COL6A6: variants seen among roughly 807,000 people sequenced by gnomAD.
The protein encoded by COL6A6 is collagen alpha-6(VI) chain.
Under a neutral mutation model 208.6 loss-of-function variants are expected in COL6A6, and 183 were observed. That is an observed-to-expected ratio of 0.88 (90% CI 0.78 to 0.99). The LOEUF (loss-of-function observed/expected upper bound fraction) is 0.99. Among genes scored for constraint, COL6A6 ranks in the 50% least tolerant of loss-of-function variants. The pLI is 0.00. For missense variants in COL6A6, 2,816 were observed against 2,815.2 expected, an observed-to-expected ratio of 1.00 and a Z score of -0.01; for synonymous variants, 973 against 1,011.8, an observed-to-expected ratio of 0.96 and a Z score of 0.73.
intron 23 of COL6A6, among the ~76,000 whole-genome samples, chr3:130,611,809 A>G (rs2064367192): frequency 6.6e-6 from 1 of 152,212 alleles, no homozygotes; most frequent in Admixed American, 6.5e-5. Context: ...TTTTAGGTCT[A>G]GGTGTACACG....
At chr3:130,642,721 T>C (rs2065352381) in intron 29 of COL6A6, 111 bp from the exon 30 acceptor site, 1 of 899,112 alleles carries the variant, frequency 1.1e-6, no homozygotes, top group Non-Finnish European at 1.7e-6. Flanking sequence ...TACAATTTAA[T>C]GAGAATAAAA....
Position 130,574,364 on chromosome 3 carries a change from G to T in COL6A6, c.3386G>T (p.Gly1129Val). The T allele has an allele frequency of 6.2e-7, 1 of 1,614,010 alleles. No individual in the cohort carries two copies. Among genetic ancestry groups the T allele is most frequent in the Non-Finnish European group, 8.5e-7 (1 of 1,179,904 alleles). Residue 1129 changes from glycine (G) to valine (V), a missense_variant, in exon 8 of 37, where the codon GGT becomes GTT. Gly to Val is a moderately radical substitution (Grantham distance 109, BLOSUM62 -3). Coordinates refer to ENST00000358511, the MANE Select transcript of COL6A6 (RefSeq NM_001102608.3). ...GCCGCGGAAGCCCTGAGACACAGAG[G>T]TATCGACATCTACTCCGTGGGCATT... Reference protein sequence around the residue: ...AQAAEALRHRGIDIYSVGIGD... With the variant: ...AQAAEALRHRVIDIYSVGIGD...
chr3:130,552,061 G>T (rs760984123), intron 1 of COL6A6, among the ~76,000 whole-genome samples: 5 of 151,842 alleles, frequency 3.3e-5, no homozygotes, highest in Non-Finnish European at 7.4e-5. Flanking sequence ...GATTATTTAT[G>T]TCTGGTTGAT....
intron 1 of COL6A6, among the ~76,000 whole-genome samples, chr3:130,536,723 A>G (rs2062233957): frequency 6.6e-6 from 1 of 152,186 alleles, no homozygotes; most frequent in Non-Finnish European, 1.5e-5. Flanking sequence ...GAGGAAGGAG[A>G]TGAAGTCAGA....
chr3:130,541,258 T>C (rs185320986), intron 1 of COL6A6, among the ~76,000 whole-genome samples: 1 of 152,336 alleles, frequency 6.6e-6, no homozygotes, highest in East Asian at 1.9e-4. Context: ...AGAGCCACAG[T>C]GATCAGATTG....
At chr3:130,572,119 T>G (rs2063183011) in intron 7 of COL6A6, among the ~76,000 whole-genome samples, 2 of 152,210 alleles carry the variant, frequency 1.3e-5, no homozygotes, top group African/African-American at 4.8e-5. Flanking sequence ...TGAAGTCTTC[T>G]TTCCTTCAGG....
At chr3:130,598,458 A>T (rs1188888177) in intron 19 of COL6A6, 28 bp downstream of exon 19, 2 of 1,456,012 alleles carry the variant, frequency 1.4e-6, no homozygotes, top group South Asian at 1.2e-5. Context: ...TAAAATCGTG[A>T]TGCAACAACT....
In COL6A6 at chr3:130,568,393, G is replaced by A. The variant is rs370031148; in HGVS notation, c.2190G>A (p.Thr730=). 3.2e-5 allele frequency: 51 copies of A among 1,613,956 alleles called. No individual in the cohort carries two copies. The highest frequency in any genetic ancestry group is 2.0e-4 in the African/African-American group (15 of 75,032). The change falls in exon 6 of 37, where the codon ACG becomes ACA. Residue 730 remains threonine (T), a synonymous_variant. Transcript: ENST00000358511. The part of the protein sequence containing the change: ...PNIRKFLILI[T]DGEAQDIVKE... ...TCAGAAAGTTTCTCATCCTCATCAC[G>A]GATGGTGAAGCTCAGGACATAGTAA...
chr3:130,567,380 T>TA, intron 5 of COL6A6, 118 bp downstream of exon 5: 1 of 765,938 alleles, frequency 1.3e-6, no homozygotes, highest in Non-Finnish European at 2.1e-6. Flanking sequence ...TTTGTTAACT[T>TA]GTGTAACTGT....
intron 20 of COL6A6, among the ~76,000 whole-genome samples, chr3:130,603,674 G>A (rs1576311571): frequency 1.3e-5 from 2 of 152,318 alleles, no homozygotes; most frequent in Admixed American, 6.5e-5. Flanking sequence ...AGGGCTGTTA[G>A]TTATGACTTG....
chr3:130,544,353 C>T (rs539341093), intron 1 of COL6A6, among the ~76,000 whole-genome samples: 5 of 152,284 alleles, frequency 3.3e-5, no homozygotes, highest in Admixed American at 3.3e-4. Context: ...TTTTTTAAGG[C>T]TGAATAATAT....
At chr3:130,561,680 C>G (rs367993874) in intron 2 of COL6A6, among the ~76,000 whole-genome samples, 1 of 128,742 alleles carries the variant, frequency 7.8e-6, no homozygotes, top group African/African-American at 3.0e-5. Flanking sequence ...GAGTCTCGCT[C>G]TGTCGCCCAG....
At position 130,675,229 on chromosome 3, in the gene COL6A6, C is replaced by T; in HGVS notation, c.6624C>T (p.Thr2208=). ...TTGTTCCTGGACCACTTAAAGCTACCCTCAAAGAAGATGTATTACAGAAGG... is the reference window on the plus strand; with the variant it reads ...TTGTTCCTGGACCACTTAAAGCTACTCTCAAAGAAGATGTATTACAGAAGG... ...RSFVPGPLKA[T]LKEDVLQKAK... is the part of the protein sequence containing the mutation. Residue 2208 remains threonine, a synonymous_variant, in exon 37 of 37, where the codon ACC becomes ACT. Transcript: ENST00000358511. 1 of 1,582,192 alleles carries T rather than the reference C, an allele frequency of 6.3e-7. No homozygotes were observed. Among genetic ancestry groups the T allele is most frequent in the Non-Finnish European group, 8.6e-7 (1 of 1,163,376 alleles).
chr3:130,556,424 C>A (rs909103132), intron 1 of COL6A6, among the ~76,000 whole-genome samples: 36 of 152,218 alleles, frequency 2.4e-4, no homozygotes, highest in African/African-American at 8.7e-4. Context: ...TTCAGATAAT[C>A]TGTTTCTTGA....
chr3:130,649,998 TTGC>T (rs1322798441), intron 33 of COL6A6, among the ~76,000 whole-genome samples: 1 of 152,172 alleles, frequency 6.6e-6, no homozygotes, highest in East Asian at 1.9e-4. Flanking sequence ...GTAGTAATTG[TTGC>T]TGTGTGATGA....
At chr3:130,532,744 G>T (rs532445488) in intron 1 of COL6A6, among the ~76,000 whole-genome samples, 1 of 152,286 alleles carries the variant, frequency 6.6e-6, no homozygotes, top group African/African-American at 2.4e-5. Flanking sequence ...TATCTCTCAT[G>T]GTTCTGTGGG....
intron 36 of COL6A6, among the ~76,000 whole-genome samples, chr3:130,671,512 C>T (rs756678261): frequency 9.9e-5 from 15 of 152,194 alleles, no homozygotes; most frequent in Non-Finnish European, 1.6e-4. Context: ...CATTCGCCAG[C>T]CATTCTATAA....
chr3:130,623,987 A>G (rs999582529), intron 24 of COL6A6, among the ~76,000 whole-genome samples: 1 of 152,208 alleles, frequency 6.6e-6, no homozygotes, highest in Non-Finnish European at 1.5e-5. Context: ...TGGCTAAGAC[A>G]TTCTAAAGAA....
At chr3:130,521,268 T>G (rs1012725396) in intron 1 of COL6A6, among the ~76,000 whole-genome samples, 3 of 152,206 alleles carry the variant, frequency 2.0e-5, no homozygotes, top group Admixed American at 2.0e-4. Context: ...ACAACTTGAT[T>G]AATGTTTGGT....
Sources: gnomAD v4.1 joint callset for allele counts (sites outside exome capture counted in the v4.1 genomes callset) on GRCh38, gnomAD v4.1.1 for gene constraint, MANE v1.5 for transcripts, NCBI Gene and HGNC (gene_info 2026-07-23, HGNC 2026-07-21) for gene names.